Variants in RBM27 observed in about 807,000 individuals in gnomAD.
The protein encoded by RBM27 is RNA-binding protein 27.
Under a neutral mutation model 135.3 loss-of-function variants are expected in RBM27, and 22 were observed. That is an observed-to-expected ratio of 0.16 (90% CI 0.12 to 0.23). The LOEUF (loss-of-function observed/expected upper bound fraction) is 0.23. Among genes scored for constraint, RBM27 ranks in the 10% least tolerant of loss-of-function variants. The probability of loss-of-function intolerance (pLI) is 1.00; values close to 1 mark genes in which losing one functional copy is unlikely to be tolerated. For missense variants in RBM27, 1,009 were observed against 1,281.0 expected (o/e 0.79, Z 3.24); for synonymous variants, 481 against 442.4 (o/e 1.09, Z -1.10).
chr5:146,261,559 A>G lies in RBM27; in HGVS notation c.1943A>G (p.Asn648Ser), dbSNP rs764684858. ...GCAGCCCTAATCCAATATCTTACCA[A>G]TGAGGAGGCCAGGAAAGCCATTTCT... ...PEAALIQYLT[N>S]EEARKAISST... Residue 648 changes from asparagine to serine, a missense_variant, in exon 13 of 21, where the codon AAT becomes AGT. Physicochemically the swap from Asn to Ser is conservative, Grantham distance 46. Around this residue, in one of 6 missense-constraint regions of RBM27, gnomAD observed 34 missense variants for 82.8 expected, o/e 0.41. Coordinates refer to ENST00000265271, the MANE Select transcript of RBM27 (RefSeq NM_018989.2). The G allele has an allele frequency of 3.7e-6, 6 of 1,614,096 alleles. No homozygotes were observed. Among genetic ancestry groups the G allele is most frequent in the South Asian group, 3.3e-5 (3 of 91,084 alleles).
intron 3 of RBM27, among the ~76,000 whole-genome samples, chr5:146,227,840 C>T (rs926986909): frequency 6.6e-6 from 1 of 152,284 alleles, no homozygotes; most frequent in South Asian, 2.1e-4. Flanking sequence ...TTAACATTTC[C>T]ATTAGTTCCA....
At chr5:146,225,324 T>C (rs1205642013) in intron 3 of RBM27, among the ~76,000 whole-genome samples, 15 of 152,176 alleles carry the variant, frequency 9.9e-5, no homozygotes, top group Non-Finnish European at 1.6e-4. Context: ...ATTCTAAGGA[T>C]TAGGTATCAT....
intron 10 of RBM27, 104 bp from the exon 11 acceptor site, chr5:146,258,345 G>A: frequency 1.2e-6 from 1 of 813,982 alleles, no homozygotes; most frequent in East Asian, 3.1e-5. Context: ...AAAGAGAAAT[G>A]ATAGTAGTTG....
chr5:146,215,513 CTTCCATTCTT>C (rs944174068), intron 1 of RBM27, among the ~76,000 whole-genome samples: 2 of 152,164 alleles, frequency 1.3e-5, no homozygotes, highest in African/African-American at 4.8e-5. Context: ...TTGCCATTTT[CTTCCATTCTT>C]ATTTATTTTT....
intron 20 of RBM27, among the ~76,000 whole-genome samples, chr5:146,285,067 A>G (rs565902174): frequency 6.6e-6 from 1 of 152,246 alleles, no homozygotes; most frequent in East Asian, 1.9e-4. Flanking sequence ...CTTTTTGTTT[A>G]TTCAAGTTCC....
At chr5:146,280,091 A>G (rs1759268647) in intron 19 of RBM27, among the ~76,000 whole-genome samples, 1 of 149,840 alleles carries the variant, frequency 6.7e-6, no homozygotes, top group Non-Finnish European at 1.5e-5. Context: ...GTCTCAAGTC[A>G]CCTGTCACCC....
At position 146,203,657 on chromosome 5, in the gene RBM27, C is replaced by G. The variant is rs1324238225; in HGVS notation, c.-109C>G. ...GTAGGTTGAAGTCTCCTAAGATGCC[C>G]GGTGGGCTGGGGCACCGGGAGCTGT... On this transcript the variant is annotated 5_prime_UTR_variant, in exon 1 of 21. Coordinates refer to ENST00000265271, the MANE Select transcript of RBM27 (RefSeq NM_018989.2). The G allele has an allele frequency of 7.8e-6, 8 of 1,027,548 alleles. No homozygotes were observed. Among genetic ancestry groups the G allele is most frequent in the Middle Eastern group, 2.4e-4 (1 of 4,102 alleles). The allele number at this position is 1,027,548 out of a possible 1,614,324, so 63.7% of individuals were successfully genotyped here. A position where few individuals can be genotyped will look rare whatever the true frequency, so the allele number is the denominator to read the frequency against.
intron 8 of RBM27, chr5:146,245,250 A>C (rs1757574908): frequency 6.6e-6 from 1 of 151,910 alleles, no homozygotes; most frequent in African/African-American, 2.4e-5. Context: ...GAGCTGTACC[A>C]CTGCAGCCTC....
At chr5:146,231,610 A>AT (rs1375128908) in intron 6 of RBM27, among the ~76,000 whole-genome samples, 2 of 151,962 alleles carry the variant, frequency 1.3e-5, no homozygotes, top group East Asian at 3.9e-4. Flanking sequence ...TTTTAAAAGA[A>AT]TTTTATTTAT....
chr5:146,217,420 A>G (rs1017013417), intron 1 of RBM27, among the ~76,000 whole-genome samples: 1 of 149,680 alleles, frequency 6.7e-6, no homozygotes, highest in Non-Finnish European at 1.5e-5. Context: ...TACTAATCTC[A>G]TAAAGTTATT....
intron 1 of RBM27, 55 bp downstream of exon 1, chr5:146,203,879 G>T: frequency 6.8e-7 from 1 of 1,471,126 alleles, no homozygotes; most frequent in South Asian, 1.2e-5. Context: ...GGGGCTCGCG[G>T]GGGCGTGGGG....
chr5:146,283,690 C>T (rs11954536), intron 19 of RBM27, among the ~76,000 whole-genome samples: 2,930 of 152,206 alleles, frequency 0.019, 106 homozygotes, highest in African/African-American at 0.067. Context: ...GAACACAGGA[C>T]GATGTCTGTG....
intron 19 of RBM27, among the ~76,000 whole-genome samples, chr5:146,280,950 C>T (rs570939898): frequency 7.9e-5 from 12 of 152,138 alleles, no homozygotes; most frequent in Non-Finnish European, 1.2e-4. Flanking sequence ...CTTCGCCTCC[C>T]GGGTTCAAGT....
At chr5:146,263,384 G>T in intron 13 of RBM27, 107 bp from the exon 14 acceptor site, 4 of 1,105,394 alleles carry the variant, frequency 3.6e-6, no homozygotes, top group South Asian at 1.7e-5. Context: ...GCACCTTCCC[G>T]TTCCCATTTT....
Position 146,260,757 on chromosome 5 carries a change from C to T in RBM27, c.1752C>T (p.Asn584=). ...KKPWLGKQGN[N]NQNKPGFLRK... ...ATCTTCCTTTTAGGCAAGGAAATAA[C>T]AATCAAAATAAACCAGGGTTCTTAC... Residue 584 remains asparagine (N), a synonymous_variant, in exon 12 of 21, where the codon AAC becomes AAT. Coordinates refer to ENST00000265271, the MANE Select transcript of RBM27 (RefSeq NM_018989.2). 1.2e-6 allele frequency: 2 copies of T among 1,604,162 alleles called. No homozygotes were observed. The highest frequency in any genetic ancestry group is 1.7e-6 in the Non-Finnish European group (2 of 1,176,914).
chr5:146,260,417 T>A (rs1218466821), intron 11 of RBM27, among the ~76,000 whole-genome samples: 1 of 152,134 alleles, frequency 6.6e-6, no homozygotes, highest in Non-Finnish European at 1.5e-5. Context: ...AGAGATGTGG[T>A]CTTACTATGT....
chr5:146,280,688 C>G (rs182314718), intron 19 of RBM27, among the ~76,000 whole-genome samples: 84 of 152,168 alleles, frequency 5.5e-4, no homozygotes, highest in Non-Finnish European at 8.2e-4. Context: ...TTTGTAACCC[C>G]AAAATCAATA....
At chr5:146,253,291 C>T (rs545743254) in intron 9 of RBM27, among the ~76,000 whole-genome samples, 8 of 152,132 alleles carry the variant, frequency 5.3e-5, no homozygotes, top group East Asian at 1.9e-4. Context: ...CCACTGCGCC[C>T]GGCCCAATTA....
At chr5:146,210,814 G>A (rs1755900428) in intron 1 of RBM27, among the ~76,000 whole-genome samples, 2 of 152,096 alleles carry the variant, frequency 1.3e-5, no homozygotes, top group South Asian at 4.1e-4. Context: ...GGGCGTGGTG[G>A]CGGGCGCCTG....
Sources: gnomAD v4.1 joint callset for allele counts (sites outside exome capture counted in the v4.1 genomes callset) on GRCh38, gnomAD v4.1.1 for gene constraint, gnomAD v4.1.1 regional missense constraint, MANE v1.5 for transcripts, NCBI Gene and HGNC (gene_info 2026-07-23, HGNC 2026-07-21) for gene names.